Variants in CNTN4 observed in about 807,000 individuals in gnomAD.
The protein encoded by CNTN4 is contactin-4.
A neutral mutation model predicts 122.5 loss-of-function variants in CNTN4; 77 were observed. That is an observed-to-expected ratio of 0.63 (90% CI 0.52 to 0.76). CNTN4 has a LOEUF of 0.76. Ranked by LOEUF, CNTN4 falls within the 30% of genes least tolerant of loss-of-function variation. The pLI is 0.00. For synonymous variants in CNTN4, 512 were observed against 447.0 expected (o/e 1.15, Z -1.83); for missense variants, 1,256 against 1,259.1 (o/e 1.00, Z 0.04).
intron 4 of CNTN4, among the ~76,000 whole-genome samples, chr3:2,621,839 T>C (rs2082002262): frequency 6.6e-6 from 1 of 152,094 alleles, no homozygotes; most frequent in Non-Finnish European, 1.5e-5. Context: ...GCCAAGAGAA[T>C]GATCCTCATT....
Position 2,902,357 on chromosome 3 carries a change from G to A in CNTN4, c.1078-519G>A, listed in dbSNP as rs558541450. The stretch of plus-strand genomic sequence containing the variant: ...CACACCACTGACAGCAATAAACTAA[G>A]GGAATATTAAACTATTAATACCTAC... On this transcript the variant is annotated intron_variant, in intron 11 of 24. Coordinates refer to ENST00000418658, the MANE Select transcript of CNTN4 (RefSeq NM_175607.3). 2.6e-5 allele frequency among the ~76,000 whole-genome samples: 4 copies of A among 151,926 alleles called. No individual in the cohort carries two copies. The South Asian group carries it at 8.3e-4, about 32-fold the overall frequency.
chr3:2,436,031 G>T (rs1404820756), intron 3 of CNTN4, among the ~76,000 whole-genome samples: 1 of 152,192 alleles, frequency 6.6e-6, no homozygotes, highest in African/African-American at 2.4e-5. Flanking sequence ...GTAAATGTCT[G>T]TTGAGTGAAG....
At chr3:2,357,550 A>T (rs2044924473) in intron 3 of CNTN4, among the ~76,000 whole-genome samples, 1 of 152,230 alleles carries the variant, frequency 6.6e-6, no homozygotes, top group Admixed American at 6.5e-5. Context: ...TCTATTTTCC[A>T]GCCAAGCTTT....
chr3:2,129,676 G>T (rs1393455149), intron 2 of CNTN4, among the ~76,000 whole-genome samples: 1 of 151,518 alleles, frequency 6.6e-6, no homozygotes, highest in African/African-American at 2.4e-5. Context: ...AAGTTAGATT[G>T]TTTCTAACAA....
At chr3:2,972,934 C>T (rs969433268) in intron 13 of CNTN4, among the ~76,000 whole-genome samples, 1 of 151,822 alleles carries the variant, frequency 6.6e-6, no homozygotes, top group African/African-American at 2.4e-5. Flanking sequence ...AAGCTCTTCT[C>T]TTTTTCGGTC....
chr3:2,405,075 T>C (rs948810623), intron 3 of CNTN4, among the ~76,000 whole-genome samples: 1 of 152,216 alleles, frequency 6.6e-6, no homozygotes, highest in African/African-American at 2.4e-5. Flanking sequence ...TATTTTATTC[T>C]TTCTGTTTTA....
intron 13 of CNTN4, among the ~76,000 whole-genome samples, chr3:2,960,350 C>T (rs1874951): frequency 0.44 from 66,905 of 151,862 alleles, 14,966 homozygotes; most frequent in East Asian, 0.63. Context: ...AGGTACCGCA[C>T]GGGCAAGAGC....
At chr3:2,474,033 G>T (rs1301841861) in intron 3 of CNTN4, among the ~76,000 whole-genome samples, 1 of 151,194 alleles carries the variant, frequency 6.6e-6, no homozygotes, top group Non-Finnish European at 1.5e-5. Context: ...AAAAAATATT[G>T]CCAAGTCTTC....
At chr3:3,017,469 A>T (rs908760119) in intron 14 of CNTN4, among the ~76,000 whole-genome samples, 1 of 152,214 alleles carries the variant, frequency 6.6e-6, no homozygotes, top group Non-Finnish European at 1.5e-5. Flanking sequence ...TTTCATCAGG[A>T]TATTTCGGCA....
At chr3:2,150,735 G>A (rs2035460514) in intron 2 of CNTN4, among the ~76,000 whole-genome samples, 1 of 152,048 alleles carries the variant, frequency 6.6e-6, no homozygotes, top group African/African-American at 2.4e-5. Context: ...ATGTTATCTT[G>A]GAAGAGCAGG....
intron 2 of CNTN4, among the ~76,000 whole-genome samples, chr3:2,228,485 T>A (rs2039369422): frequency 2.6e-5 from 4 of 152,226 alleles, no homozygotes. Flanking sequence ...GTATATATCA[T>A]CTGGCCCTTT....
At chr3:2,311,548 T>C (rs2042916872) in intron 2 of CNTN4, among the ~76,000 whole-genome samples, 1 of 152,100 alleles carries the variant, frequency 6.6e-6, no homozygotes, top group Non-Finnish European at 1.5e-5. Flanking sequence ...GCGTGTTACT[T>C]GAAGCATTCT....
At chr3:2,421,734 T>G (rs2047625830) in intron 3 of CNTN4, among the ~76,000 whole-genome samples, 1 of 152,218 alleles carries the variant, frequency 6.6e-6, no homozygotes, top group Admixed American at 6.5e-5. Context: ...AGACCATTTG[T>G]AATACAATTG....
At chr3:2,789,626 T>C (rs1349309437) in intron 6 of CNTN4, among the ~76,000 whole-genome samples, 1 of 152,194 alleles carries the variant, frequency 6.6e-6, no homozygotes, top group Non-Finnish European at 1.5e-5. Flanking sequence ...AGATGGAATT[T>C]CACCATGTTG....
intron 12 of CNTN4, among the ~76,000 whole-genome samples, chr3:2,912,412 G>A (rs1048516605): frequency 1.3e-5 from 2 of 152,092 alleles, no homozygotes; most frequent in African/African-American, 4.8e-5. Context: ...TCACCACTAG[G>A]TTTACCCTGC....
chr3:2,848,008 C>A (rs557444628), intron 7 of CNTN4, among the ~76,000 whole-genome samples: 17 of 152,238 alleles, frequency 1.1e-4, no homozygotes, highest in East Asian at 7.7e-4. Flanking sequence ...CCTGTAATCC[C>A]AACACTTCGG....
At chr3:2,562,898 A>T (rs943711034) in intron 3 of CNTN4, among the ~76,000 whole-genome samples, 1 of 148,914 alleles carries the variant, frequency 6.7e-6, no homozygotes, top group African/African-American at 2.5e-5. Context: ...TAACTTTTAA[A>T]TTTTTTTTTT....
rs1038790784 is a variant in CNTN4, at chr3:2,647,422, A to G, written c.55+75864A>G. Among the ~76,000 whole-genome samples, 30 of 148,156 alleles carry G rather than the reference A, an allele frequency of 2.0e-4. No individual in the cohort carries two copies. In the East Asian group the frequency reaches 2.4e-3, roughly 12 times the overall value. ...ATAAATAAATAAATAAATAAATAGC[A>G]TAAGTAACCTATGCCTTATCTCAAG... On this transcript the variant is annotated intron_variant, in intron 4 of 24. Coordinates refer to ENST00000418658, the MANE Select transcript of CNTN4 (RefSeq NM_175607.3).
chr3:2,321,688 G>A (rs1034281511), intron 2 of CNTN4, among the ~76,000 whole-genome samples: 1 of 151,442 alleles, frequency 6.6e-6, no homozygotes, highest in African/African-American at 2.4e-5. Flanking sequence ...TAGTATCTCA[G>A]GTTTCTCTTT....
Sources: allele counts gnomAD v4.1 joint callset (sites outside exome capture counted in the v4.1 genomes callset), GRCh38; gene constraint gnomAD v4.1.1; transcripts MANE v1.5; gene names NCBI Gene and HGNC (gene_info 2026-07-23, HGNC 2026-07-21).